Variants in USP31 observed in about 807,000 individuals in gnomAD.
The protein encoded by USP31 is ubiquitin carboxyl-terminal hydrolase 31.
A neutral mutation model predicts 119.4 loss-of-function variants in USP31; 44 were observed. That is an observed-to-expected ratio of 0.37 (90% confidence interval 0.29 to 0.47). The LOEUF is 0.47. Ranked by LOEUF, USP31 falls within the 20% of genes least tolerant of loss-of-function variation. The probability of loss-of-function intolerance (pLI) is 0.99; values close to 1 mark genes in which losing one functional copy is unlikely to be tolerated. For missense variants in USP31, 1,643 were observed against 1,730.2 expected (o/e 0.95, Z 0.89); for synonymous variants, 749 against 705.6 (o/e 1.06, Z -0.97).
At chr16:23,117,581 A>G (rs1459844794) in intron 1 of USP31, among the ~76,000 whole-genome samples, 1 of 152,234 alleles carries the variant, frequency 6.6e-6, no homozygotes, top group Non-Finnish European at 1.5e-5. Flanking sequence ...ACAAACAAGG[A>G]GCAAAAGTTG....
chr16:23,128,224 A>C (rs1290452982), intron 1 of USP31, among the ~76,000 whole-genome samples: 1 of 152,166 alleles, frequency 6.6e-6, no homozygotes, highest in Admixed American at 6.5e-5. Flanking sequence ...TACCAAAGGA[A>C]CCTGATTCCA....
At chr16:23,083,705 G>A (rs1391563493) in intron 11 of USP31, among the ~76,000 whole-genome samples, 5 of 113,886 alleles carry the variant, frequency 4.4e-5, no homozygotes, top group African/African-American at 9.3e-5. Context: ...CGGGGGGGGG[G>A]GGGGGGAAGG....
intron 1 of USP31, among the ~76,000 whole-genome samples, chr16:23,119,970 C>T (rs1596725546): frequency 6.6e-6 from 1 of 152,174 alleles, no homozygotes; most frequent in Admixed American, 6.5e-5. Context: ...TCCTTCCCCG[C>T]ACAACTTAAG....
intron 1 of USP31, among the ~76,000 whole-genome samples, chr16:23,139,468 C>T (rs888046675): frequency 1.3e-5 from 2 of 152,202 alleles, no homozygotes; most frequent in African/African-American, 4.8e-5. Flanking sequence ...CTGTATTCAG[C>T]GCTAAGAGCA....
chr16:23,078,694 A>G (rs1900692976), intron 13 of USP31, among the ~76,000 whole-genome samples: 1 of 152,170 alleles, frequency 6.6e-6, no homozygotes, highest in African/African-American at 2.4e-5. Flanking sequence ...GGACCTACTG[A>G]TCTCTGCTGT....
intron 6 of USP31, among the ~76,000 whole-genome samples, chr16:23,100,332 C>A (rs1027238185): frequency 6.6e-6 from 1 of 152,030 alleles, no homozygotes; most frequent in Admixed American, 6.6e-5. Flanking sequence ...TATTATTTGG[C>A]CACAAAAAGG....
intron 1 of USP31, among the ~76,000 whole-genome samples, chr16:23,124,996 C>G (rs1038252998): frequency 2.6e-5 from 4 of 152,140 alleles, no homozygotes; most frequent in African/African-American, 9.7e-5. Flanking sequence ...AGAGGTGGAA[C>G]GTACTTCTCA....
chr16:23,076,941 A>T (rs1900602648), intron 13 of USP31, among the ~76,000 whole-genome samples: 1 of 152,262 alleles, frequency 6.6e-6, no homozygotes, highest in Non-Finnish European at 1.5e-5. Context: ...CAAAGAACAC[A>T]GACATGACTG....
rs1256256773 is a variant in USP31 at position 23,061,555 on chromosome 16, TAC to T, written c.*6489_*6490del. ...ATAAATTCTGCTTCTTAAAAGTGCA[TAC>T]ACTTTGAATAATAAAACATACAAAT... On this transcript the variant is annotated 3_prime_UTR_variant, in exon 16 of 16. Coordinates refer to ENST00000219689, the MANE Select transcript of USP31 (RefSeq NM_020718.4). 1 of 152,668 alleles carries T rather than the reference TAC, an allele frequency of 6.6e-6. No homozygotes were observed. The highest frequency in any genetic ancestry group is 2.4e-5 in the African/African-American group (1 of 41,470). 9.5% of individuals were successfully genotyped at this position (152,668 alleles called of 1,614,324 possible).
At chr16:23,139,359 G>C (rs764539643) in intron 1 of USP31, among the ~76,000 whole-genome samples, 1 of 152,136 alleles carries the variant, frequency 6.6e-6, no homozygotes, top group Non-Finnish European at 1.5e-5. Context: ...CCGAGATCAC[G>C]CTAATCACAC....
intron 15 of USP31, among the ~76,000 whole-genome samples, chr16:23,070,432 G>C (rs1237327769): frequency 1.3e-5 from 2 of 152,132 alleles, no homozygotes; most frequent in African/African-American, 4.8e-5. Context: ...CATAATCAGA[G>C]GCCAGGCGTG....
At chr16:23,081,607 T>C (rs1178668525) in intron 12 of USP31, among the ~76,000 whole-genome samples, 1 of 152,228 alleles carries the variant, frequency 6.6e-6, no homozygotes, top group African/African-American at 2.4e-5. Context: ...GAATAATATT[T>C]TCAAAATACA....
rs754058341 is a variant in USP31, at chr16:23,068,200, T to C, written c.3905A>G (p.Lys1302Arg). ...TTTGCGAGCGGACAGCAGGGAATGT[T>C]TGGCAGAAGCAGGGTCCTTGGTGAC... The part of the protein sequence containing the change: ...QLVTKDPASA[K>R]HSLLSARKSK... The change falls in exon 16 of 16, where the codon AAA becomes AGA. Residue 1302 changes from lysine (K) to arginine (R), a missense_variant. This residue lies in a region of USP31 where 699 missense variants were observed against 650.9 expected (regional missense o/e 1.07). Transcript: ENST00000219689. 5 of 1,614,012 alleles carry C rather than the reference T, an allele frequency of 3.1e-6. No individual in the cohort carries two copies.
intron 1 of USP31, among the ~76,000 whole-genome samples, chr16:23,146,165 G>A (rs186325606): frequency 6.8e-6 from 1 of 147,348 alleles, no homozygotes; most frequent in East Asian, 2.0e-4. Context: ...TAAATACTAG[G>A]CTCTGACCTC....
chr16:23,110,540 C>T (rs1320436960), intron 1 of USP31, among the ~76,000 whole-genome samples: 1 of 152,110 alleles, frequency 6.6e-6, no homozygotes, highest in Non-Finnish European at 1.5e-5. Flanking sequence ...GGAGATGAAA[C>T]AGTAAAGTCA....
intron 1 of USP31, among the ~76,000 whole-genome samples, chr16:23,146,417 G>A (rs368798738): frequency 5.9e-5 from 9 of 152,236 alleles, no homozygotes; most frequent in African/African-American, 2.2e-4. Context: ...CCAGCTACCT[G>A]GGAGGCTGAG....
In USP31 at chr16:23,107,947, TCAATTTCATTGTATTAACG is replaced by T; in HGVS notation, c.771+80_771+98del. ...AATCTTATACTCACCCAGAGCTTAGTCAATTTCATTGTATTAACGCAATGCAACAAGTCCTCAGTAGAAG... is the reference window on the plus strand; with the variant it reads ...AATCTTATACTCACCCAGAGCTTAGTCAATGCAACAAGTCCTCAGTAGAAG... On this transcript the variant is annotated intron_variant, in intron 2 of 15. Transcript: ENST00000219689. 3 of 1,401,448 alleles carry T rather than the reference TCAATTTCATTGTATTAACG, an allele frequency of 2.1e-6. No individual in the cohort carries two copies. In the Admixed American group the frequency reaches 7.6e-5, roughly 36 times the overall value. The allele number at this position is 1,401,448 out of a possible 1,614,324, so 86.8% of individuals were successfully genotyped here. A position where few individuals can be genotyped will look rare whatever the true frequency, so the allele number is the denominator to read the frequency against.
At chr16:23,134,222 A>C (rs1903117543) in intron 1 of USP31, among the ~76,000 whole-genome samples, 1 of 152,198 alleles carries the variant, frequency 6.6e-6, no homozygotes, top group African/African-American at 2.4e-5. Context: ...CAACAATAAC[A>C]CTAAACAGCA....
chr16:23,116,883 T>C (rs1441675895), intron 1 of USP31, among the ~76,000 whole-genome samples: 1 of 152,210 alleles, frequency 6.6e-6, no homozygotes, highest in African/African-American at 2.4e-5. Context: ...CACACATTCC[T>C]TGGACTCTGT....
Sources: gnomAD v4.1 joint callset for allele counts (sites outside exome capture counted in the v4.1 genomes callset) on GRCh38, gnomAD v4.1.1 for gene constraint, gnomAD v4.1.1 regional missense constraint, MANE v1.5 for transcripts, NCBI Gene and HGNC (gene_info 2026-07-23, HGNC 2026-07-21) for gene names.